The following FANCL variants were observed in gnomAD, a reference collection of about 807,000 sequenced individuals.
FANCL encodes the protein E3 ubiquitin-protein ligase FANCL.
FANCL carries 69 observed loss-of-function variants against 59.4 expected under a neutral mutation model. The observed-to-expected ratio is 1.16, with a 90% CI of 0.96 to 1.42. The LOEUF is 1.42. Ranked by LOEUF, FANCL falls within the 40% of genes most tolerant of loss-of-function variation. FANCL has a pLI of 0.00. For synonymous variants in FANCL, 180 were observed against 147.1 expected, an observed-to-expected ratio of 1.22 and a Z score of -1.62; for missense variants, 519 against 447.2, an observed-to-expected ratio of 1.16 and a Z score of -1.45.
intron 8 of FANCL, among the ~76,000 whole-genome samples, chr2:58,164,620 A>G (rs1406810742): frequency 6.6e-6 from 1 of 152,082 alleles, no homozygotes; most frequent in Non-Finnish European, 1.5e-5. Context: ...TAAATAGGGA[A>G]TGAATTAAAA....
intron 5 of FANCL, among the ~76,000 whole-genome samples, chr2:58,209,258 T>C (rs1690888479): frequency 6.6e-6 from 1 of 152,216 alleles, no homozygotes; most frequent in Admixed American, 6.5e-5. Context: ...TATATGACAA[T>C]GTAGAGGATG....
chr2:58,194,404 A>C (rs965163513), intron 7 of FANCL: 9 of 423,322 alleles, frequency 2.1e-5, no homozygotes, highest in Non-Finnish European at 4.4e-5. Flanking sequence ...TAAAGCATTA[A>C]GGATATATTT....
At chr2:58,165,700 AC>A (rs1685865803) in intron 8 of FANCL, 23 bp downstream of exon 8, 1 of 1,613,904 alleles carries the variant, frequency 6.2e-7, no homozygotes. Context: ...CTAAAAACAA[AC>A]CCTTAATCCT....
chr2:58,240,154 T>C (rs1694384129), intron 1 of FANCL, among the ~76,000 whole-genome samples: 1 of 151,918 alleles, frequency 6.6e-6, no homozygotes, highest in Non-Finnish European at 1.5e-5. Context: ...TCAACTTTTC[T>C]AAATGTTGTC....
rs200334210 is a variant in FANCL, at chr2:58,192,840, G to GT, written c.540+5753dup. 7.7e-3 allele frequency among the ~76,000 whole-genome samples: 1,168 copies of GT among 151,946 alleles called. 15 individuals carry two copies. The highest frequency in any genetic ancestry group is 0.025 in the African/African-American group (1,041 of 41,510). ...AAACAGGTGAGATGAAGGCTATGCTGTTTTTTCTAAAAAGAAAACAAAAAC... is the reference window on the plus strand; with the variant it reads ...AAACAGGTGAGATGAAGGCTATGCTGTTTTTTTCTAAAAAGAAAACAAAAAC... On this transcript the variant is annotated intron_variant, in intron 7 of 13. Transcript: ENST00000233741.
intron 7 of FANCL, among the ~76,000 whole-genome samples, chr2:58,185,730 A>G (rs1688334204): frequency 6.6e-6 from 1 of 152,188 alleles, no homozygotes; most frequent in Non-Finnish European, 1.5e-5. Context: ...ATTATTCTAA[A>G]GCCTTAAAAT....
At chr2:58,229,649 C>A (rs1203960503) in intron 3 of FANCL, among the ~76,000 whole-genome samples, 165 bp downstream of exon 3, 1 of 152,138 alleles carries the variant, frequency 6.6e-6, no homozygotes, top group Non-Finnish European at 1.5e-5. Flanking sequence ...CTGGAGATCT[C>A]CTGAGGACAC....
intron 7 of FANCL, among the ~76,000 whole-genome samples, chr2:58,169,503 G>A (rs561221909): frequency 2.6e-5 from 4 of 152,070 alleles, no homozygotes; most frequent in African/African-American, 7.2e-5. Context: ...TTTCTCCAAC[G>A]GATCACAACT....
intron 7 of FANCL, among the ~76,000 whole-genome samples, chr2:58,191,860 A>T (rs939912328): frequency 6.6e-6 from 1 of 151,876 alleles, no homozygotes; most frequent in Non-Finnish European, 1.5e-5. Context: ...ATTCAAAAGG[A>T]TTTTCATATA....
intron 8 of FANCL, among the ~76,000 whole-genome samples, 153 bp downstream of exon 8, chr2:58,165,571 T>C (rs761714477): frequency 2.0e-5 from 3 of 152,186 alleles, no homozygotes; most frequent in Non-Finnish European, 4.4e-5. Flanking sequence ...AATATTTACA[T>C]TTAAATGTGT....
chr2:58,169,850 G>A (rs1686374021), intron 7 of FANCL, among the ~76,000 whole-genome samples: 2 of 152,050 alleles, frequency 1.3e-5, no homozygotes, highest in Non-Finnish European at 2.9e-5. Flanking sequence ...GACAAGATTA[G>A]AGAAAAAAGA....
At chr2:58,201,173 C>G (rs1689975581) in intron 6 of FANCL, among the ~76,000 whole-genome samples, 1 of 150,988 alleles carries the variant, frequency 6.6e-6, no homozygotes, top group South Asian at 2.1e-4. Flanking sequence ...AATTAAGATA[C>G]TTTTCAATAA....
intron 7 of FANCL, among the ~76,000 whole-genome samples, chr2:58,184,402 T>C (rs1688205425): frequency 1.3e-5 from 2 of 152,038 alleles, no homozygotes; most frequent in South Asian, 4.1e-4. Flanking sequence ...AAAACTGCAA[T>C]AGTCAATAAA....
intron 5 of FANCL, among the ~76,000 whole-genome samples, chr2:58,210,586 T>G (rs1193109275): frequency 6.6e-6 from 1 of 152,102 alleles, no homozygotes; most frequent in Non-Finnish European, 1.5e-5. Flanking sequence ...ACTTATTTCA[T>G]CATTAACTCA....
At chr2:58,232,333 A>G (rs1693662748) in intron 1 of FANCL, among the ~76,000 whole-genome samples, 1 of 152,274 alleles carries the variant, frequency 6.6e-6, no homozygotes, top group South Asian at 2.1e-4. Flanking sequence ...TTACTGGGAA[A>G]TCAAAACACT....
At chr2:58,160,085 G>C (rs748635161) in intron 13 of FANCL, 23 bp downstream of exon 13, 2 of 1,609,042 alleles carry the variant, frequency 1.2e-6, no homozygotes, top group South Asian at 1.1e-5. Flanking sequence ...CATTTTATGA[G>C]ATGTGATTAA....
In FANCL at chr2:58,163,479, G is replaced by A. The variant is rs1261180519; in HGVS notation, c.730C>T (p.His244Tyr). ...VSINIEVDPRHPTMLPECFFL... is the reference protein window; with the variant it reads ...VSINIEVDPRYPTMLPECFFL... The stretch of plus-strand genomic sequence containing the variant: ...AAGCACTCAGGAAGCATAGTAGGAT[G>A]CCTGGGGTCTACCTCTATATTTATG... The change falls in exon 9 of 14, where the codon CAT becomes TAT. Residue 244 changes from histidine (H) to tyrosine (Y), a missense_variant. Transcript: ENST00000233741. 2.5e-6 allele frequency: 4 copies of A among 1,609,810 alleles called. No individual in the cohort carries two copies. The highest frequency in any genetic ancestry group is 3.4e-6 in the Non-Finnish European group (4 of 1,176,482).
chr2:58,226,671 A>G, intron 4 of FANCL, 57 bp downstream of exon 4: 1 of 1,307,828 alleles, frequency 7.6e-7, no homozygotes, highest in Non-Finnish European at 1.1e-6. Context: ...GGAGTTACAA[A>G]AAAGAAATCA....
chr2:58,189,855 C>G (rs1012731149), intron 7 of FANCL, among the ~76,000 whole-genome samples: 4 of 151,946 alleles, frequency 2.6e-5, no homozygotes, highest in African/African-American at 9.7e-5. Context: ...CTGGTACTTG[C>G]AACAGTTGTT....
Sources: allele counts gnomAD v4.1 joint callset (sites outside exome capture counted in the v4.1 genomes callset), GRCh38; gene constraint gnomAD v4.1.1; transcripts MANE v1.5; gene names NCBI Gene and HGNC (gene_info 2026-07-23, HGNC 2026-07-21).